The following CRACDL variants were observed in gnomAD, a reference collection of about 807,000 sequenced individuals.
The protein encoded by CRACDL is CRACD like.
In CRACDL, 26 loss-of-function variants were observed where a neutral mutation model predicts 70.6. The ratio of observed to expected loss-of-function variants is 0.37; its 90% CI spans 0.27 to 0.51. The LOEUF (loss-of-function observed/expected upper bound fraction) is 0.51. Ranked by LOEUF, CRACDL falls within the 20% of genes least tolerant of loss-of-function variation. The pLI is 0.94. For synonymous variants in CRACDL, 618 were observed against 615.2 expected (o/e 1.00, Z -0.07); for missense variants, 1,283 against 1,376.9 (o/e 0.93, Z 1.08).
intron 1 of CRACDL, among the ~76,000 whole-genome samples, chr2:98,916,731 C>T (rs1190826296): frequency 2.0e-5 from 3 of 151,868 alleles, no homozygotes; most frequent in Non-Finnish European, 2.9e-5. Flanking sequence ...GTTCTATGCA[C>T]CCTGGGAAGA....
At chr2:98,898,221 TCA>T (rs1366447264) in intron 1 of CRACDL, among the ~76,000 whole-genome samples, 2 of 152,210 alleles carry the variant, frequency 1.3e-5, no homozygotes, top group African/African-American at 4.8e-5. Flanking sequence ...AGACAGTATT[TCA>T]CACATAAAAG....
chr2:98,899,340 C>T (rs1256394939), intron 1 of CRACDL, among the ~76,000 whole-genome samples: 1 of 152,232 alleles, frequency 6.6e-6, no homozygotes, highest in East Asian at 1.9e-4. Context: ...GACAAAGATA[C>T]ACAAGAGTCC....
At chr2:98,911,613 T>C (rs1256345721) in intron 1 of CRACDL, among the ~76,000 whole-genome samples, 1 of 152,154 alleles carries the variant, frequency 6.6e-6, no homozygotes, top group African/African-American at 2.4e-5. Context: ...GACAGTGTGC[T>C]CCCAAGCCCA....
At chr2:98,863,751 C>T (rs1302689596) in intron 1 of CRACDL, among the ~76,000 whole-genome samples, 1 of 152,222 alleles carries the variant, frequency 6.6e-6, no homozygotes, top group Non-Finnish European at 1.5e-5. Flanking sequence ...ATGACATTTT[C>T]AATTTATGAT....
At chr2:98,873,996 ACT>A (rs1246162214) in intron 1 of CRACDL, among the ~76,000 whole-genome samples, 1 of 152,076 alleles carries the variant, frequency 6.6e-6, no homozygotes, top group African/African-American at 2.4e-5. Flanking sequence ...ACTGAGTGAG[ACT>A]CTGTCTCAAA....
At chr2:98,881,738 C>T (rs75098297) in intron 1 of CRACDL, among the ~76,000 whole-genome samples, 2 of 152,330 alleles carry the variant, frequency 1.3e-5, no homozygotes, top group African/African-American at 4.8e-5. Context: ...ATGGAAGCCA[C>T]TCATGGCCAA....
At chr2:98,878,809 A>G (rs887642818) in intron 1 of CRACDL, among the ~76,000 whole-genome samples, 109 of 152,358 alleles carry the variant, frequency 7.2e-4, no homozygotes, top group African/African-American at 2.5e-3. Flanking sequence ...AGAGAAGTAC[A>G]GTTTCCATTG....
intron 1 of CRACDL, among the ~76,000 whole-genome samples, chr2:98,901,957 G>C (rs1414470262): frequency 6.6e-6 from 1 of 152,136 alleles, no homozygotes; most frequent in African/African-American, 2.4e-5. Flanking sequence ...TGCGAACAAA[G>C]GTGGGCGCAA....
At chr2:98,841,842 G>A (rs146789741) in intron 2 of CRACDL, among the ~76,000 whole-genome samples, 9 of 152,298 alleles carry the variant, frequency 5.9e-5, no homozygotes, top group African/African-American at 2.2e-4. Context: ...CAGCGTAATA[G>A]TTTGGCAGTT....
chr2:98,825,281 G>A (rs1235380543), intron 6 of CRACDL, among the ~76,000 whole-genome samples: 1 of 152,182 alleles, frequency 6.6e-6, no homozygotes, highest in Non-Finnish European at 1.5e-5. Context: ...AGCAGGGAAG[G>A]GGAAAAGAGG....
intron 1 of CRACDL, among the ~76,000 whole-genome samples, chr2:98,865,798 CTTTTT>C (rs1157009185): frequency 7.4e-6 from 1 of 134,434 alleles, no homozygotes; most frequent in Admixed American, 7.6e-5. Flanking sequence ...GGACTTTCTG[CTTTTT>C]TTTTTTTTTT....
At chr2:98,892,377 A>G (rs1255768433) in intron 1 of CRACDL, among the ~76,000 whole-genome samples, 1 of 152,084 alleles carries the variant, frequency 6.6e-6, no homozygotes, top group African/African-American at 2.4e-5. Context: ...TCTATAAAAT[A>G]TATTGTAAAT....
Position 98,896,311 on chromosome 2 carries a change from T to C in CRACDL, c.-11+39627A>G, listed in dbSNP as rs141989781. Among the ~76,000 whole-genome samples the C allele has an allele frequency of 1.3e-4, 20 of 152,256 alleles. No individual in the cohort carries two copies. In the East Asian group the frequency reaches 3.9e-3, roughly 29 times the overall value. ...TGTGCTGGGGAGAGTTTTGGACACA[T>C]GCATGACTTCAGACAAGAAAATATT... On this transcript the variant is annotated intron_variant, in intron 1 of 9. Coordinates refer to ENST00000397899, the MANE Select transcript of CRACDL (RefSeq NM_207362.3).
At chr2:98,902,646 C>T (rs1708310634) in intron 1 of CRACDL, among the ~76,000 whole-genome samples, 1 of 152,070 alleles carries the variant, frequency 6.6e-6, no homozygotes, top group Admixed American at 6.5e-5. Context: ...GCCTGACCAT[C>T]CCTGGAGCTG....
intron 1 of CRACDL, among the ~76,000 whole-genome samples, chr2:98,926,496 C>T (rs1708912775): frequency 1.3e-5 from 2 of 152,308 alleles, no homozygotes; most frequent in South Asian, 4.1e-4. Context: ...CTCCCAAGAG[C>T]GTGCACCATG....
intron 1 of CRACDL, among the ~76,000 whole-genome samples, chr2:98,874,225 C>A (rs1373504147): frequency 6.6e-6 from 1 of 152,200 alleles, no homozygotes; most frequent in Admixed American, 6.5e-5. Flanking sequence ...GTACCTGCCA[C>A]AGATACGTTC....
intron 1 of CRACDL, among the ~76,000 whole-genome samples, chr2:98,929,385 T>C (rs145385234): frequency 6.6e-6 from 1 of 152,294 alleles, no homozygotes; most frequent in East Asian, 1.9e-4. Context: ...GCAGACCTTG[T>C]GTGTAGTCGC....
chr2:98,935,652 C>G (rs1709187068), intron 1 of CRACDL, among the ~76,000 whole-genome samples: 1 of 152,334 alleles, frequency 6.6e-6, no homozygotes, highest in Middle Eastern at 3.4e-3. Flanking sequence ...GGCGCGTAAA[C>G]TGCTGGATTT....
At chr2:98,795,427 T>C (rs1703777504) in intron 9 of CRACDL, among the ~76,000 whole-genome samples, 1 of 152,074 alleles carries the variant, frequency 6.6e-6, no homozygotes, top group Non-Finnish European at 1.5e-5. Context: ...ATCTTGAAGA[T>C]GCTATGCTCA....
Sources: allele counts gnomAD v4.1 joint callset (sites outside exome capture counted in the v4.1 genomes callset), GRCh38; gene constraint gnomAD v4.1.1; transcripts MANE v1.5; gene names NCBI Gene and HGNC (gene_info 2026-07-23, HGNC 2026-07-21).